ZNF229: variants seen among roughly 807,000 people sequenced by gnomAD.
ZNF229 encodes zinc finger protein 229.
ZNF229 carries 10 observed loss-of-function variants against 11.8 expected under a neutral mutation model. The observed-to-expected ratio is 0.85, with a 90% CI of 0.52 to 1.44. The LOEUF is 1.44. ZNF229 is among the 40% of genes most tolerant of loss of function. The pLI is 0.00. For missense variants in ZNF229, 1,045 were observed against 1,015.1 expected, an observed-to-expected ratio of 1.03 and a Z score of -0.40; for synonymous variants, 368 against 374.8, an observed-to-expected ratio of 0.98 and a Z score of 0.21.
intron 4 of ZNF229, among the ~76,000 whole-genome samples, chr19:44,441,711 T>C (rs1971912963): frequency 6.6e-6 from 1 of 152,208 alleles, no homozygotes; most frequent in Non-Finnish European, 1.5e-5. Context: ...TACATATATG[T>C]GTATATACAC....
rs769665011 is a variant in ZNF229 at position 44,429,312 on chromosome 19, T to C, written c.1469A>G (p.Gln490Arg). The change falls in exon 6 of 6, where the codon CAG becomes CGG. Residue 490 changes from glutamine to arginine, a missense_variant. Gln to Arg is a conservative substitution (Grantham distance 43, BLOSUM62 1). Coordinates refer to ENST00000614049, the MANE Select transcript of ZNF229 (RefSeq NM_014518.4). ...GAAACCTTTGCCACACTTGTCACAC[T>C]GGTAGGGCCTCTCGCCGGTGTGTGT... ...QKTHTGERPY[Q>R]CDKCGKGFSH... 2.7e-5 allele frequency: 44 copies of C among 1,613,814 alleles called. No individual in the cohort carries two copies. The highest frequency in any genetic ancestry group is 1.6e-4 in the Middle Eastern group (1 of 6,082).
rs1971665273 is a variant in ZNF229, at chr19:44,429,499, T to C, written c.1282A>G (p.Thr428Ala). 1.2e-6 allele frequency: 2 copies of C among 1,612,078 alleles called. No homozygotes were observed. The highest frequency in any genetic ancestry group is 1.7e-6 in the Non-Finnish European group (2 of 1,178,676). ...SVLQVHQRLH[T>A]GEKPYTCSEC... ...CTGCAGGTGTAGGGCTTCTCCCCTG[T>C]GTGCAGCCTCTGATGGACTTGAAGC... The change falls in exon 6 of 6, where the codon ACA becomes GCA. Residue 428 changes from threonine to alanine, a missense_variant. Physicochemically the swap from Thr to Ala is moderately conservative, Grantham distance 58. Coordinates refer to ENST00000614049, the MANE Select transcript of ZNF229 (RefSeq NM_014518.4).
At chr19:44,440,727 CTTTT>C (rs5828196) in intron 4 of ZNF229, among the ~76,000 whole-genome samples, 1 of 145,416 alleles carries the variant, frequency 6.9e-6, no homozygotes. Context: ...AACCAACATT[CTTTT>C]TTTTTTTTTT....
At chr19:44,431,839 A>G in intron 5 of ZNF229, 1 of 984,114 alleles carries the variant, frequency 1.0e-6, no homozygotes, top group Non-Finnish European at 1.2e-6. Context: ...GAAATCCTAA[A>G]TCCCAACGTG....
chr19:44,432,894 T>C (rs181935616), intron 4 of ZNF229, among the ~76,000 whole-genome samples: 20 of 152,144 alleles, frequency 1.3e-4, no homozygotes, highest in African/African-American at 2.4e-5. Flanking sequence ...ATAAACTGCA[T>C]ATCTCTAAAA....
chr19:44,430,546 T>A lies in ZNF229; in HGVS notation c.239-4A>T, dbSNP rs770222875. The stretch of plus-strand genomic sequence containing the variant: ...GTATCCTTTCCATTCTTGTCTCCTA[T>A]GAGGTTAAAGACAATTCAGAGATGA... On this transcript the variant is annotated splice_region_variant and splice_polypyrimidine_tract_variant and intron_variant, in intron 5 of 5. Coordinates refer to ENST00000614049, the MANE Select transcript of ZNF229 (RefSeq NM_014518.4). 1.2e-6 allele frequency: 2 copies of A among 1,609,158 alleles called. No homozygotes were observed. Among genetic ancestry groups the A allele is most frequent in the Non-Finnish European group, 1.7e-6 (2 of 1,177,474 alleles).
chr19:44,440,817 T>C (rs1033898147), intron 4 of ZNF229, among the ~76,000 whole-genome samples: 7 of 151,930 alleles, frequency 4.6e-5, no homozygotes, highest in Admixed American at 1.3e-4. Flanking sequence ...TTGATTTCCC[T>C]GGGCTCAAGC....
rs769223488 is a variant in ZNF229 at position 44,430,247 on chromosome 19, A to G, written c.534T>C (p.Ala178=). ...LENQQFPAWR[A]IRPIPIQGSW... is the part of the protein sequence containing the mutation. ...ATCCTTGAATGGGGATTGGTCTTAT[A>G]GCTCTCCAGGCTGGAAACTGTTGAT... Residue 178 remains alanine, a synonymous_variant, in exon 6 of 6, where the codon GCT becomes GCC. Transcript: ENST00000614049. 5.0e-5 allele frequency: 81 copies of G among 1,614,014 alleles called. No homozygotes were observed. Among genetic ancestry groups the G allele is most frequent in the Admixed American group, 4.3e-4 (26 of 60,006 alleles).
rs777983886 is a variant in ZNF229 at position 44,429,706 on chromosome 19, TG to T, written c.1074del (p.Phe358LeufsTer462). On this transcript the variant is annotated frameshift_variant, in exon 6 of 6. Transcript: ENST00000614049. LOFTEE classifies it low-confidence loss of function (END_TRUNC). ...PYRCDVCGKGFRYKSVLLIHQ... is the reference protein window; with the variant it reads ...PYRCDVCGKGXRYKSVLLIHQ... ...TGAATAAGAAGAACCGATTTATACCTGAACCCCTTTCCACAGACATCACATC... is the reference window on the plus strand; with the variant it reads ...TGAATAAGAAGAACCGATTTATACCTAACCCCTTTCCACAGACATCACATC... 26 of 1,614,028 alleles carry T rather than the reference TG, an allele frequency of 1.6e-5. No individual in the cohort carries two copies. Among genetic ancestry groups the T allele is most frequent in the Non-Finnish European group, 2.2e-5 (26 of 1,180,036 alleles).
intron 4 of ZNF229, among the ~76,000 whole-genome samples, chr19:44,437,191 C>A (rs1322687395): frequency 6.6e-6 from 1 of 151,912 alleles, no homozygotes; most frequent in Non-Finnish European, 1.5e-5. Context: ...TATTAAAGAG[C>A]CATTTAGATG....
intron 2 of ZNF229, among the ~76,000 whole-genome samples, 166 bp from the exon 3 acceptor site, chr19:44,443,190 G>C (rs1232887301): frequency 3.3e-5 from 5 of 152,210 alleles, no homozygotes; most frequent in Admixed American, 2.6e-4. Context: ...AAAGCCAAGA[G>C]TGTTGCAGAT....
intron 4 of ZNF229, among the ~76,000 whole-genome samples, chr19:44,441,000 C>T (rs962481525): frequency 5.3e-5 from 8 of 152,026 alleles, no homozygotes; most frequent in African/African-American, 1.7e-4. Flanking sequence ...GCTAAGATTA[C>T]GAGCCACTGC....
At position 44,429,476 on chromosome 19, in the gene ZNF229, G is replaced by A. The variant is rs752545869; in HGVS notation, c.1305C>T (p.Cys435=). The A allele has an allele frequency of 6.2e-7, 1 of 1,613,910 alleles. No homozygotes were observed. Among genetic ancestry groups the A allele is most frequent in the South Asian group, 1.1e-5 (1 of 91,072 alleles). ...CACAGAAGCCTTTGCCACACTCGCT[G>A]CAGGTGTAGGGCTTCTCCCCTGTGT... is the stretch of plus-strand genomic sequence containing the variant. ...RLHTGEKPYT[C]SECGKGFCAK... The change falls in exon 6 of 6, where the codon TGC becomes TGT. Residue 435 remains cysteine, a synonymous_variant. Coordinates refer to ENST00000614049, the MANE Select transcript of ZNF229 (RefSeq NM_014518.4).
Position 44,430,093 on chromosome 19 carries a change from C to T in ZNF229, c.688G>A (p.Asp230Asn). 6.2e-7 allele frequency: 1 copy of T among 1,614,118 alleles called. No individual in the cohort carries two copies. Among genetic ancestry groups the T allele is most frequent in the Non-Finnish European group, 8.5e-7 (1 of 1,180,026 alleles). Reference sequence around the variant, plus strand: ...TTGTCTATTTCAGGGAATCTGTGATCAACATGACAAGATATCCAGCAAAAG... The same window carrying T: ...TTGTCTATTTCAGGGAATCTGTGATTAACATGACAAGATATCCAGCAAAAG... ...DSFCWISCHV[D>N]HRFPEIDKPC... The change falls in exon 6 of 6, where the codon GAT (aspartate) becomes AAT (asparagine). Residue 230 changes from aspartate to asparagine, a missense_variant. Physicochemically the swap from Asp to Asn is conservative, Grantham distance 23 (BLOSUM62 1). Transcript: ENST00000614049.
At position 44,430,526 on chromosome 19, in the gene ZNF229, C is replaced by T; in HGVS notation, c.255G>A (p.Lys85=). 6 of 1,612,760 alleles carry T rather than the reference C, an allele frequency of 3.7e-6. No individual in the cohort carries two copies. The highest frequency in any genetic ancestry group is 5.1e-6 in the Non-Finnish European group (6 of 1,179,370). Residue 85 remains lysine, a synonymous_variant, in exon 6 of 6, where the codon AAG becomes AAA. Coordinates refer to ENST00000614049, the MANE Select transcript of ZNF229 (RefSeq NM_014518.4). ...ERNPLGDKNG[K]DTEYIQDEEL... ...CTTCATCTTGAATATACTCCGTATCCTTTCCATTCTTGTCTCCTATGAGGT... is the reference window on the plus strand; with the variant it reads ...CTTCATCTTGAATATACTCCGTATCTTTTCCATTCTTGTCTCCTATGAGGT...
In ZNF229 at chr19:44,448,294, ACACCCCTGCCTCAC is replaced by A. The variant is rs1164613905; in HGVS notation, c.-266+1_-266+14del. 1 of 152,084 alleles carries A rather than the reference ACACCCCTGCCTCAC, an allele frequency of 6.6e-6. No homozygotes were observed. Among genetic ancestry groups the A allele is most frequent in the Non-Finnish European group, 1.5e-5 (1 of 68,080 alleles). The allele number at this position is 152,084 out of a possible 1,614,324, so 9.4% of individuals were successfully genotyped here. On this transcript the variant is annotated splice_donor_variant and splice_donor_5th_base_variant and intron_variant, in intron 1 of 5. Coordinates refer to ENST00000614049, the MANE Select transcript of ZNF229 (RefSeq NM_014518.4). LOFTEE classifies it low-confidence loss of function (5UTR_SPLICE). ...GAATGTTCGATACGTGCGCCTCCTT[ACACCCCTGCCTCAC>A]CAGGCCGAGCTCATGGAAATCCGTG...
rs1568401641 is a variant in ZNF229, at chr19:44,429,328, CGG to C, written c.1451_1452del (p.Thr484ArgfsTer8). On this transcript the variant is annotated frameshift_variant, in exon 6 of 6. Coordinates refer to ENST00000614049, the MANE Select transcript of ZNF229 (RefSeq NM_014518.4). LOFTEE classifies it low-confidence loss of function (END_TRUNC). ...TTGTCACACTGGTAGGGCCTCTCGC[CGG>C]TGTGTGTCTTCTGATGACTGCTGAG... ...SHLSSHQKTH[T>X]GERPYQCDKC... 2.5e-6 allele frequency: 4 copies of C among 1,614,096 alleles called. No homozygotes were observed. Among genetic ancestry groups the C allele is most frequent in the Non-Finnish European group, 3.4e-6 (4 of 1,179,986 alleles).
In ZNF229 at chr19:44,427,997, A is replaced by C; in HGVS notation, c.*306T>G. 7.0e-6 allele frequency: 2 copies of C among 284,668 alleles called. No individual in the cohort carries two copies. The highest frequency in any genetic ancestry group is 9.3e-5 in the Admixed American group (2 of 21,512). 17.6% of individuals were successfully genotyped at this position (284,668 alleles called of 1,614,324 possible). On this transcript the variant is annotated 3_prime_UTR_variant, in exon 6 of 6. Transcript: ENST00000614049. Reference sequence around the variant, plus strand: ...TTGGAAACATTCTCACCACTTGTACATTGTAAAAGCTCCCTCCCAGGCAGA... The same window carrying C: ...TTGGAAACATTCTCACCACTTGTACCTTGTAAAAGCTCCCTCCCAGGCAGA...
intron 4 of ZNF229, among the ~76,000 whole-genome samples, chr19:44,433,876 C>T (rs1483521865): frequency 6.6e-6 from 1 of 152,168 alleles, no homozygotes; most frequent in African/African-American, 2.4e-5. Context: ...AAGTGATTCT[C>T]CTGTCTCAGC....
Sources: gnomAD v4.1 joint callset for allele counts (sites outside exome capture counted in the v4.1 genomes callset) on GRCh38, gnomAD v4.1.1 for gene constraint, MANE v1.5 for transcripts, NCBI Gene and HGNC (gene_info 2026-07-23, HGNC 2026-07-21) for gene names.